FABP6: variants seen among roughly 807,000 people sequenced by gnomAD.
FABP6 encodes the protein gastrotropin.
Under a neutral mutation model 14.9 loss-of-function variants are expected in FABP6, and 13 were observed. The ratio of observed to expected loss-of-function variants is 0.87; its 90% confidence interval spans 0.57 to 1.39. FABP6 has a LOEUF of 1.39. Ranked by LOEUF, FABP6 falls within the 40% of genes most tolerant of loss-of-function variation. The pLI is 0.00. For missense variants in FABP6, 161 were observed against 167.2 expected (o/e 0.96, Z 0.20); for synonymous variants, 75 against 63.6 (o/e 1.18, Z -0.85).
At chr5:160,205,317 C>CAAGAA (rs1338126338) in intron 2 of FABP6, among the ~76,000 whole-genome samples, 1 of 67,088 alleles carries the variant, frequency 1.5e-5, no homozygotes, top group Non-Finnish European at 2.7e-5. Context: ...GACTTCATCT[C>CAAGAA]AAAAAAAAAA....
chr5:160,193,900 C>G (rs930713737), intron 1 of FABP6, among the ~76,000 whole-genome samples: 1 of 151,474 alleles, frequency 6.6e-6, no homozygotes, highest in African/African-American at 2.4e-5. Flanking sequence ...CGCTCGCACT[C>G]CTCAGCCCTT....
At chr5:160,209,706 G>A (rs7720932) in intron 2 of FABP6, among the ~76,000 whole-genome samples, 2 of 151,620 alleles carry the variant, frequency 1.3e-5, no homozygotes, top group East Asian at 3.9e-4. Context: ...CGTCTTTTTT[G>A]TCTTTTTTTC....
chr5:160,231,910 A>G (rs1001130121), intron 1 of FABP6, 188 bp from the exon 2 acceptor site: 20 of 585,132 alleles, frequency 3.4e-5, no homozygotes, highest in African/African-American at 2.3e-4. Flanking sequence ...TCAGAGAGAT[A>G]GGGACTTTCC....
In FABP6 at chr5:160,223,330, C is replaced by T. The variant is rs113969570; in HGVS notation, c.136-6216C>T. The stretch of plus-strand genomic sequence containing the variant: ...ACTCATATAAGAGTGAATTTTTGCC[C>T]GCCCTTCCTTCCTTCCTTCCTTCCT... On this transcript the variant is annotated intron_variant, in intron 3 of 6. Coordinates refer to the FABP6 transcript ENST00000393980. 7.1e-3 allele frequency among the ~76,000 whole-genome samples: 955 copies of T among 133,840 alleles called. 14 individuals carry two copies. The highest frequency in any genetic ancestry group is 0.025 in the African/African-American group (879 of 34,570). 87.8% of individuals were successfully genotyped at this position (133,840 alleles called of 152,430 possible).
chr5:160,230,516 A>G (rs1056557708), intron 1 of FABP6, among the ~76,000 whole-genome samples: 4 of 151,974 alleles, frequency 2.6e-5, no homozygotes, highest in Non-Finnish European at 4.4e-5. Flanking sequence ...ATGTGCCACC[A>G]CATCTGGCTA....
intron 1 of FABP6, among the ~76,000 whole-genome samples, chr5:160,230,879 C>T (rs1760365922): frequency 6.6e-6 from 1 of 152,230 alleles, no homozygotes; most frequent in African/African-American, 2.4e-5. Flanking sequence ...TCAGCAAACA[C>T]AGGCCTCTTA....
At chr5:160,224,112 T>C (rs1379301170) in intron 3 of FABP6, among the ~76,000 whole-genome samples, 2 of 151,952 alleles carry the variant, frequency 1.3e-5, no homozygotes, top group African/African-American at 4.8e-5. Context: ...GGTGGGCGCC[T>C]GTAGTCCCAG....
chr5:160,206,937 A>G (rs1759781463), intron 2 of FABP6, among the ~76,000 whole-genome samples: 1 of 152,114 alleles, frequency 6.6e-6, no homozygotes, highest in African/African-American at 2.4e-5. Context: ...CCTTACTCTC[A>G]CCTACCCCAG....
intron 3 of FABP6, among the ~76,000 whole-genome samples, chr5:160,221,872 G>A (rs145422212): frequency 2.3e-4 from 35 of 152,332 alleles, no homozygotes; most frequent in African/African-American, 7.9e-4. Flanking sequence ...TTGTGTCCAT[G>A]TGGAAAACAT....
intron 3 of FABP6, among the ~76,000 whole-genome samples, chr5:160,214,091 CTT>C (rs974397823): frequency 8.0e-4 from 10 of 12,452 alleles, no homozygotes; most frequent in Admixed American, 3.7e-3. Flanking sequence ...CTGCCTTTCT[CTT>C]TCTTTCTTTC....
intron 3 of FABP6, among the ~76,000 whole-genome samples, chr5:160,236,498 A>G (rs1054674409): frequency 6.6e-6 from 1 of 152,160 alleles, no homozygotes; most frequent in East Asian, 1.9e-4. Context: ...GTGCCCTCCC[A>G]TTATACTTAT....
At chr5:160,198,733 T>C in intron 1 of FABP6, 1 of 204,380 alleles carries the variant, frequency 4.9e-6, no homozygotes, top group East Asian at 1.2e-4. Flanking sequence ...CTCTGCCTGC[T>C]TTTCTCAGCC....
chr5:160,188,148 A>C (rs1287727030), intron 1 of FABP6, among the ~76,000 whole-genome samples: 1 of 152,126 alleles, frequency 6.6e-6, no homozygotes, highest in Non-Finnish European at 1.5e-5. Flanking sequence ...AAAAGCAGGC[A>C]GGGGCCGGGC....
chr5:160,213,635 G>A (rs913774190), intron 2 of FABP6: 4 of 920,028 alleles, frequency 4.3e-6, no homozygotes, highest in Admixed American at 1.9e-5. Flanking sequence ...AATTAAGAGC[G>A]CTGCTATGAG....
chr5:160,234,980 G>A lies in FABP6; in HGVS notation c.333+71G>A, dbSNP rs1255282104. On this transcript the variant is annotated intron_variant, in intron 3 of 3. Transcript: ENST00000402432. ...GCCTCTTGGCCACAGCCCCTCAGAA[G>A]TAGGCCTCTACGCAGCTGGCTTTAC... 3 of 1,390,980 alleles carry A rather than the reference G, an allele frequency of 2.2e-6. No homozygotes were observed. In the African/African-American group the frequency reaches 4.3e-5, roughly 20 times the overall value. The allele number at this position is 1,390,980 out of a possible 1,614,324, so 86.2% of individuals were successfully genotyped here.
At chr5:160,238,223 A>G (rs971296172) in intron 3 of FABP6, among the ~76,000 whole-genome samples, 1 of 152,196 alleles carries the variant, frequency 6.6e-6, no homozygotes, top group Non-Finnish European at 1.5e-5. Context: ...TGGTGCAGCC[A>G]TGGCGTGTGG....
chr5:160,234,861 C>T lies in FABP6; in HGVS notation c.285C>T (p.Phe95=). 1 of 1,611,278 alleles carries T rather than the reference C, an allele frequency of 6.2e-7. No homozygotes were observed. The highest frequency in any genetic ancestry group is 8.5e-7 in the Non-Finnish European group (1 of 1,178,556). ...AGGGCGGGAAGCTGGTGGTGAATTT[C>T]CCCAACTATCACCAGACCTCAGAGA... is the stretch of plus-strand genomic sequence containing the variant. ...QMEGGKLVVN[F]PNYHQTSEIV... is the part of the protein sequence containing the mutation. The change falls in exon 3 of 4, where the codon TTC becomes TTT. Residue 95 remains phenylalanine (F), a synonymous_variant. Transcript: ENST00000402432.
intron 2 of FABP6, among the ~76,000 whole-genome samples, chr5:160,209,182 A>T (rs1415079290): frequency 6.6e-6 from 1 of 152,032 alleles, no homozygotes; most frequent in African/African-American, 2.4e-5. Context: ...TCTTTGCATC[A>T]CTGCACTCTG....
chr5:160,233,237 C>T (rs972291561), intron 2 of FABP6, among the ~76,000 whole-genome samples: 2 of 151,968 alleles, frequency 1.3e-5, no homozygotes, highest in African/African-American at 4.8e-5. Context: ...ACCTTGACCT[C>T]CTAAAGTGCT....
Sources: gnomAD v4.1 joint callset for allele counts (sites outside exome capture counted in the v4.1 genomes callset) on GRCh38, gnomAD v4.1.1 for gene constraint, MANE v1.5 for transcripts, NCBI Gene and HGNC (gene_info 2026-07-23, HGNC 2026-07-21) for gene names.